PPP4R2: variants seen among roughly 807,000 people sequenced by gnomAD.
PPP4R2 encodes protein phosphatase 4 regulatory subunit 2.
A neutral mutation model predicts 47.2 loss-of-function variants in PPP4R2; 13 were observed. That is an observed-to-expected ratio of 0.28 (90% CI 0.18 to 0.44). The LOEUF (loss-of-function observed/expected upper bound fraction) is 0.44. PPP4R2 is among the 20% of genes least tolerant of loss of function. The pLI, the probability that PPP4R2 is intolerant of heterozygous loss-of-function variation, is 1.00. For synonymous variants in PPP4R2, 151 were observed against 163.3 expected (o/e 0.92, Z 0.57); for missense variants, 421 against 491.2 (o/e 0.86, Z 1.35).
Position 73,061,057 on chromosome 3 carries a change from C to T in PPP4R2, c.416C>T (p.Ser139Leu), listed in dbSNP as rs373009608. The T allele has an allele frequency of 2.0e-6, 3 of 1,506,262 alleles. No individual in the cohort carries two copies. The African/African-American group carries it at 4.2e-5, about 21-fold the overall frequency. The allele number at this position is 1,506,262 out of a possible 1,614,324, so 93.3% of individuals were successfully genotyped here. A position where few individuals can be genotyped will look rare whatever the true frequency, so the allele number is the denominator to read the frequency against. The change falls in exon 5 of 9, where the codon TCA becomes TTA. Residue 139 changes from serine to leucine, a missense_variant. Physicochemically the swap from Ser to Leu is moderately radical, Grantham distance 145 (BLOSUM62 -2). This residue lies in a region of PPP4R2 where 104 missense variants were observed against 203.7 expected (regional missense o/e 0.51). Coordinates refer to ENST00000356692, the MANE Select transcript of PPP4R2 (RefSeq NM_174907.4). ...VMVVSCVYPS[S>L]EKNNSNSLNR... ...GTTGTTAGCTGTGTTTATCCTTCTTCAGAGTAAGTATATTTTTTCTATTTC... is the reference window on the plus strand; with the variant it reads ...GTTGTTAGCTGTGTTTATCCTTCTTTAGAGTAAGTATATTTTTTCTATTTC...
At chr3:73,015,214 CTG>C (rs1193615830) in intron 2 of PPP4R2, among the ~76,000 whole-genome samples, 37 of 152,230 alleles carry the variant, frequency 2.4e-4, no homozygotes, top group African/African-American at 8.4e-4. Context: ...GAGTCTCTCT[CTG>C]TTGCCCAGGG....
At chr3:73,029,717 T>G (rs1314958170) in intron 2 of PPP4R2, among the ~76,000 whole-genome samples, 5 of 152,100 alleles carry the variant, frequency 3.3e-5, no homozygotes, top group Non-Finnish European at 5.9e-5. Context: ...TATTAAAAAC[T>G]CCAGACTGGA....
At chr3:73,056,176 ACTGGTTTTT>A (rs1437557037) in intron 3 of PPP4R2, among the ~76,000 whole-genome samples, 1 of 152,178 alleles carries the variant, frequency 6.6e-6, no homozygotes, top group Non-Finnish European at 1.5e-5. Flanking sequence ...TTCATTTTGT[ACTGGTTTTT>A]CTGGTTTATT....
intron 2 of PPP4R2, among the ~76,000 whole-genome samples, chr3:73,025,829 A>G (rs1283859424): frequency 6.6e-6 from 1 of 152,220 alleles, no homozygotes; most frequent in East Asian, 1.9e-4. Flanking sequence ...ATTGAGTCTA[A>G]TTCAAAGGAA....
intron 2 of PPP4R2, among the ~76,000 whole-genome samples, chr3:73,001,065 C>A (rs1701447886): frequency 6.6e-6 from 1 of 152,056 alleles, no homozygotes; most frequent in African/African-American, 2.4e-5. Context: ...ATGTTCCAAG[C>A]TCATTTCCTG....
intron 3 of PPP4R2, among the ~76,000 whole-genome samples, chr3:73,058,502 G>A (rs1304962470): frequency 6.6e-6 from 1 of 151,542 alleles, no homozygotes; most frequent in African/African-American, 2.4e-5. Flanking sequence ...GGTGTTCTAA[G>A]TTGCTTTTTT....
intron 2 of PPP4R2, among the ~76,000 whole-genome samples, chr3:73,000,523 G>A (rs1701437268): frequency 6.6e-6 from 1 of 152,182 alleles, no homozygotes; most frequent in African/African-American, 2.4e-5. Flanking sequence ...AGAATTGTAA[G>A]TATAGGCTTT....
Position 73,069,192 on chromosome 3 carries a change from TAGA to T in PPP4R2, c.*3472_*3474del, listed in dbSNP as rs1435757366. 1 of 152,192 alleles carries T rather than the reference TAGA, an allele frequency of 6.6e-6. No individual in the cohort carries two copies. Among genetic ancestry groups the T allele is most frequent in the African/African-American group, 2.4e-5 (1 of 41,442 alleles). The allele number at this position is 152,192 out of a possible 1,614,324, so 9.4% of individuals were successfully genotyped here. A position where few individuals can be genotyped will look rare whatever the true frequency, so the allele number is the denominator to read the frequency against. ...TTTCATAATGCAATAAAATATAAATTAGAATATTTCTATGTGTGTAATTATTTT... is the reference window on the plus strand; with the variant it reads ...TTTCATAATGCAATAAAATATAAATTATATTTCTATGTGTGTAATTATTTT... On this transcript the variant is annotated 3_prime_UTR_variant, in exon 9 of 9. Coordinates refer to ENST00000356692, the MANE Select transcript of PPP4R2 (RefSeq NM_174907.4).
intron 2 of PPP4R2, among the ~76,000 whole-genome samples, chr3:73,034,454 A>C (rs945795880): frequency 6.6e-6 from 1 of 152,244 alleles, no homozygotes; most frequent in Non-Finnish European, 1.5e-5. Flanking sequence ...CTTAGTCTTC[A>C]AGAATCCTAG....
At chr3:73,050,782 A>G (rs1198511239) in intron 3 of PPP4R2, among the ~76,000 whole-genome samples, 1 of 151,920 alleles carries the variant, frequency 6.6e-6, no homozygotes, top group Admixed American at 6.6e-5. Context: ...ATAGGTTTTT[A>G]TTTGCCTGTC....
At chr3:73,008,441 C>T (rs776544316) in intron 2 of PPP4R2, among the ~76,000 whole-genome samples, 15 of 152,158 alleles carry the variant, frequency 9.9e-5, no homozygotes, top group Non-Finnish European at 1.9e-4. Flanking sequence ...TATCTTCATT[C>T]TTTCGGGTGC....
intron 3 of PPP4R2, 84 bp from the exon 4 acceptor site, chr3:73,058,953 C>A (rs1702787007): frequency 1.2e-6 from 1 of 805,550 alleles, no homozygotes; most frequent in Non-Finnish European, 2.0e-6. Context: ...TGACTAGATA[C>A]AGCTTTACCT....
chr3:73,035,837 G>A (rs1237056197), intron 2 of PPP4R2, among the ~76,000 whole-genome samples: 2 of 152,026 alleles, frequency 1.3e-5, no homozygotes, highest in East Asian at 1.9e-4. Context: ...TGTTGGCCAG[G>A]CTGGTCTTGA....
chr3:73,058,784 TC>T (rs1394380803), intron 3 of PPP4R2, among the ~76,000 whole-genome samples: 1 of 147,250 alleles, frequency 6.8e-6, no homozygotes, highest in Non-Finnish European at 1.5e-5. Context: ...CGTTAACCAT[TC>T]CCCCCTCCCT....
intron 2 of PPP4R2, among the ~76,000 whole-genome samples, chr3:73,001,718 A>C (rs1701465179): frequency 6.6e-6 from 1 of 151,816 alleles, no homozygotes; most frequent in Non-Finnish European, 1.5e-5. Flanking sequence ...GGCTCACTTC[A>C]TCCCCCACCT....
rs1701882350 is a variant in PPP4R2 at position 73,018,300 on chromosome 3, T to G, written c.116+20142T>G. Among the ~76,000 whole-genome samples, 7 of 152,088 alleles carry G rather than the reference T, an allele frequency of 4.6e-5. No homozygotes were observed. The South Asian group carries it at 1.5e-3, about 32-fold the overall frequency. On this transcript the variant is annotated intron_variant, in intron 2 of 8. Transcript: ENST00000356692. The stretch of plus-strand genomic sequence containing the variant: ...GGACTGCTTTTTTTGTATTCGTGGG[T>G]TCTACAGGGTTGACAGCGGGATTTA...
chr3:73,003,723 G>C (rs534134288), intron 2 of PPP4R2, among the ~76,000 whole-genome samples: 1 of 151,662 alleles, frequency 6.6e-6, no homozygotes, highest in African/African-American at 2.4e-5. Context: ...TTTTGAGACA[G>C]AGTCTTGCTC....
intron 2 of PPP4R2, among the ~76,000 whole-genome samples, chr3:73,038,636 C>T (rs1427327893): frequency 6.6e-5 from 10 of 152,070 alleles, no homozygotes; most frequent in South Asian, 2.1e-4. Flanking sequence ...CCTTGTGATC[C>T]GCCCAGCCAG....
chr3:73,028,490 C>T (rs978498544), intron 2 of PPP4R2, among the ~76,000 whole-genome samples: 1 of 152,118 alleles, frequency 6.6e-6, no homozygotes, highest in African/African-American at 2.4e-5. Flanking sequence ...TGGAGTCTCG[C>T]TCTTCCACCA....
Sources: gnomAD v4.1 joint callset for allele counts (sites outside exome capture counted in the v4.1 genomes callset) on GRCh38, gnomAD v4.1.1 for gene constraint, gnomAD v4.1.1 regional missense constraint, MANE v1.5 for transcripts, NCBI Gene and HGNC (gene_info 2026-07-23, HGNC 2026-07-21) for gene names.